Variants in SELPLG observed in about 807,000 individuals in gnomAD.
SELPLG encodes the protein P-selectin glycoprotein ligand 1.
SELPLG carries 2 observed loss-of-function variants against 1.1 expected under a neutral mutation model. The ratio of observed to expected loss-of-function variants is 1.82; its 90% CI spans 0.74 to 5.71. SELPLG has a LOEUF of 5.71. Ranked by LOEUF, SELPLG falls within the 30% of genes most tolerant of loss-of-function variation. The pLI is 0.05. For synonymous variants in SELPLG, 230 were observed against 221.2 expected, an observed-to-expected ratio of 1.04 and a Z score of -0.35; for missense variants, 478 against 524.7, an observed-to-expected ratio of 0.91 and a Z score of 0.87.
Position 108,627,027 on chromosome 12 carries a change from C to T in SELPLG, c.-5-2715G>A, listed in dbSNP as rs182956931. The stretch of plus-strand genomic sequence containing the variant: ...GCCAAGGCAGGAGAATTGCTTGAAC[C>T]TGGGAGCCAGAGGTTGCAGTGAGCC... On this transcript the variant is annotated intron_variant, in intron 1 of 1. Coordinates refer to ENST00000550948, the MANE Select transcript of SELPLG (RefSeq NM_003006.4). Among the ~76,000 whole-genome samples the T allele has an allele frequency of 3.3e-5, 5 of 152,238 alleles. No homozygotes were observed. In the East Asian group the frequency reaches 9.6e-4, roughly 29 times the overall value.
intron 1 of SELPLG, among the ~76,000 whole-genome samples, chr12:108,632,389 GGTGTGT>G (rs34863745): frequency 0.067 from 9,711 of 144,648 alleles, 346 homozygotes; most frequent in Middle Eastern, 0.1. Context: ...GACAATATGG[GGTGTGT>G]GTGTGTGTGT....
chr12:108,629,024 G>A (rs4964269), intron 1 of SELPLG, among the ~76,000 whole-genome samples: 60,453 of 152,098 alleles, frequency 0.4, 12,473 homozygotes, highest in South Asian at 0.5. Flanking sequence ...ACTTTATCTG[G>A]AGGACTCTCT....
chr12:108,629,709 GA>G (rs780017782), intron 1 of SELPLG, among the ~76,000 whole-genome samples: 1 of 151,940 alleles, frequency 6.6e-6, no homozygotes, highest in Non-Finnish European at 1.5e-5. Context: ...CTGTCTCTAA[GA>G]AAAAAACATA....
chr12:108,622,929 C>A lies in SELPLG; in HGVS notation c.*140G>T. ...GGCTGCTCTTGTCCTGTTTGGGTGG[C>A]CAGAGTTCCTTCCCTGAAGATCCCC... On this transcript the variant is annotated 3_prime_UTR_variant, in exon 2 of 2. Coordinates refer to ENST00000550948, the MANE Select transcript of SELPLG (RefSeq NM_003006.4). 1.1e-6 allele frequency: 1 copy of A among 901,014 alleles called. No homozygotes were observed. The highest frequency in any genetic ancestry group is 1.6e-6 in the Non-Finnish European group (1 of 628,456). 55.8% of individuals were successfully genotyped at this position (901,014 alleles called of 1,614,324 possible).
intron 1 of SELPLG, among the ~76,000 whole-genome samples, chr12:108,633,308 C>T (rs1234576011): frequency 1.3e-5 from 2 of 152,134 alleles, no homozygotes; most frequent in Non-Finnish European, 2.9e-5. Context: ...TGAGACCAGC[C>T]TCGGCATCAA....
At chr12:108,628,457 C>G (rs1431861059) in intron 1 of SELPLG, among the ~76,000 whole-genome samples, 1 of 152,184 alleles carries the variant, frequency 6.6e-6, no homozygotes, top group Non-Finnish European at 1.5e-5. Context: ...CTTGGCCCCA[C>G]TTTCCTGGAG....
intron 1 of SELPLG, among the ~76,000 whole-genome samples, chr12:108,628,499 G>A (rs1437550712): frequency 6.6e-6 from 1 of 152,180 alleles, no homozygotes; most frequent in East Asian, 1.9e-4. Flanking sequence ...CATTAGCCTA[G>A]AGACATATTT....
At position 108,631,990 on chromosome 12, in the gene SELPLG, C is replaced by T. The variant is rs140901362; in HGVS notation, c.-6+1750G>A. 2.1e-3 allele frequency: 3,094 copies of T among 1,479,590 alleles called. 106 individuals are homozygous for T. The Admixed American group carries it at 0.05, about 24-fold the overall frequency. 91.7% of individuals were successfully genotyped at this position (1,479,590 alleles called of 1,614,324 possible). ...GGCATCCTGCAGCCAGAAGCCATGC[C>T]GCCAGAGGCAGCTGCTTCTCCCCTT... On this transcript the variant is annotated intron_variant, in intron 1 of 1. Transcript: ENST00000550948.
chr12:108,628,057 G>A (rs2031970337), intron 1 of SELPLG, among the ~76,000 whole-genome samples: 1 of 152,052 alleles, frequency 6.6e-6, no homozygotes, highest in African/African-American at 2.4e-5. Flanking sequence ...CCCCAGCCTG[G>A]GTGACAAAGC....
chr12:108,627,950 T>C lies in SELPLG; in HGVS notation c.-5-3638A>G, dbSNP rs552986998. ...AAAAAATTAGCCAGGAGTGGTGGTG[T>C]GCCCCTGTAGTCCCAGCTACTCAGG... On this transcript the variant is annotated intron_variant, in intron 1 of 1. Coordinates refer to ENST00000550948, the MANE Select transcript of SELPLG (RefSeq NM_003006.4). 2.5e-3 allele frequency among the ~76,000 whole-genome samples: 377 copies of C among 152,112 alleles called. 3 individuals are homozygous for C. Among genetic ancestry groups the C allele is most frequent in the African/African-American group, 8.5e-3 (354 of 41,476 alleles).
chr12:108,633,500 CA>C (rs1353746276), intron 1 of SELPLG, among the ~76,000 whole-genome samples: 1 of 151,262 alleles, frequency 6.6e-6, no homozygotes, highest in South Asian at 2.1e-4. Flanking sequence ...GACCCTGTCT[CA>C]AAAAAAGAAG....
At position 108,623,169 on chromosome 12, in the gene SELPLG, G is replaced by A. The variant is rs895074259; in HGVS notation, c.1139C>T (p.Ala380Val). The A allele has an allele frequency of 6.2e-7, 1 of 1,613,232 alleles. No homozygotes were observed. Among genetic ancestry groups the A allele is most frequent in the Non-Finnish European group, 8.5e-7 (1 of 1,179,678 alleles). Residue 380 changes from alanine to valine, a missense_variant, in exon 2 of 2, where the codon GCC becomes GTC. Ala to Val is a moderately conservative substitution (Grantham distance 64). Transcript: ENST00000550948. The part of the protein sequence containing the change: ...PDGGEGPSAT[A>V]NGGLSKAKSP... ...CTTGGCCTTGGACAGGCCCCCATTGGCTGTGGCAGAGGGCCCCTCACCCCC... is the reference window on the plus strand; with the variant it reads ...CTTGGCCTTGGACAGGCCCCCATTGACTGTGGCAGAGGGCCCCTCACCCCC...
chr12:108,633,655 C>T (rs2032100230), intron 1 of SELPLG, 85 bp downstream of exon 1: 1 of 152,334 alleles, frequency 6.6e-6, no homozygotes. Flanking sequence ...GCGGTCCTAC[C>T]CGGGCCTGCC....
At chr12:108,629,890 CAT>C (rs1201889566) in intron 1 of SELPLG, among the ~76,000 whole-genome samples, 1 of 152,118 alleles carries the variant, frequency 6.6e-6, no homozygotes, top group African/African-American at 2.4e-5. Flanking sequence ...ATAAAAATGA[CAT>C]ATGTGGAAGC....
rs763031178 is a variant in SELPLG at position 108,624,035 on chromosome 12, A to C, written c.273T>G (p.Thr91=). ...TTVEPAARRS[T]GLDAGGAVTE... Reference sequence around the variant, plus strand: ...TGACTGCCCCTCCTGCATCCAGGCCAGTAGAACGCCTTGCAGCAGGCTCCA... The same window carrying C: ...TGACTGCCCCTCCTGCATCCAGGCCCGTAGAACGCCTTGCAGCAGGCTCCA... The change falls in exon 2 of 2, where the codon ACT becomes ACG. Residue 91 remains threonine, a synonymous_variant. Transcript: ENST00000550948. The C allele has an allele frequency of 1.2e-5, 19 of 1,614,244 alleles. No individual in the cohort carries two copies. Among genetic ancestry groups the C allele is most frequent in the Non-Finnish European group, 1.4e-5 (17 of 1,180,034 alleles).
chr12:108,630,740 G>T (rs2032031891), intron 1 of SELPLG, among the ~76,000 whole-genome samples: 1 of 152,228 alleles, frequency 6.6e-6, no homozygotes, highest in South Asian at 2.1e-4. Context: ...CCAGGGAAAT[G>T]CTGAGTCCTC....
intron 1 of SELPLG, chr12:108,632,129 A>T: frequency 1.7e-6 from 1 of 577,338 alleles, no homozygotes; most frequent in Admixed American, 3.1e-5. Flanking sequence ...CTAGCAACCC[A>T]GCCCTTCCGC....
intron 1 of SELPLG, among the ~76,000 whole-genome samples, chr12:108,624,750 C>T (rs1258379003): frequency 1.4e-5 from 2 of 146,738 alleles, no homozygotes; most frequent in African/African-American, 2.6e-5. Context: ...AGTACAGTGG[C>T]GCTATCTCAG....
At chr12:108,631,728 A>C in intron 1 of SELPLG, 1 of 700,960 alleles carries the variant, frequency 1.4e-6, no homozygotes. Flanking sequence ...CAGAGGCAGT[A>C]AGGTACTTGG....
Sources: allele counts gnomAD v4.1 joint callset (sites outside exome capture counted in the v4.1 genomes callset), GRCh38; gene constraint gnomAD v4.1.1; transcripts MANE v1.5; gene names NCBI Gene and HGNC (gene_info 2026-07-23, HGNC 2026-07-21).